Variants in MAP1A observed in about 807,000 individuals in gnomAD.
The protein encoded by MAP1A is microtubule-associated protein 1A.
MAP1A carries 42 observed loss-of-function variants against 185.9 expected under a neutral mutation model. The ratio of observed to expected loss-of-function variants is 0.23; its 90% CI spans 0.18 to 0.29. MAP1A has a LOEUF of 0.29. Among genes scored for constraint, MAP1A ranks in the 10% least tolerant of loss-of-function variants. The pLI is 1.00. For missense variants in MAP1A, 2,995 were observed against 3,450.4 expected (o/e 0.87, Z 3.31); for synonymous variants, 1,229 against 1,335.9 (o/e 0.92, Z 1.74).
Position 43,522,753 on chromosome 15 carries a change from G to C in MAP1A, c.1280G>C (p.Arg427Thr). The change falls in exon 4 of 6, where the codon AGG (arginine) becomes ACG (threonine). Residue 427 changes from arginine (R) to threonine (T), a missense_variant. Arg to Thr is a moderately conservative substitution (Grantham distance 71). Around this residue, in one of 3 missense-constraint regions of MAP1A, gnomAD observed 2,728 missense variants for 2,986.0 expected, o/e 0.91. Coordinates refer to ENST00000300231, the MANE Select transcript of MAP1A (RefSeq NM_002373.6). The surrounding 1 kb of genome is among the most constrained non-coding windows in gnomAD (Gnocchi z 5.9). The stretch of plus-strand genomic sequence containing the variant: ...GAGAAAAAAGAGATCAAAAAGGAGA[G>C]GAAAGAGCTCAAGAAGGATGAAGGA... ...DKEKKEIKKERKELKKDEGRK... is the reference protein window; with the variant it reads ...DKEKKEIKKETKELKKDEGRK... 1 of 1,571,552 alleles carries C rather than the reference G, an allele frequency of 6.4e-7. No individual in the cohort carries two copies. Among genetic ancestry groups the C allele is most frequent in the South Asian group, 1.2e-5 (1 of 86,382 alleles).
chr15:43,523,601 G>A lies in MAP1A; in HGVS notation c.2128G>A (p.Ala710Thr), dbSNP rs775064838. The change falls in exon 4 of 6, where the codon GCC (alanine) becomes ACC (threonine). Residue 710 changes from alanine to threonine, a missense_variant. This residue lies in a region of MAP1A where 2,728 missense variants were observed against 2,986.0 expected (regional missense o/e 0.91). Coordinates refer to ENST00000300231, the MANE Select transcript of MAP1A (RefSeq NM_002373.6). Reference sequence around the variant, plus strand: ...TCGGGAATTGGGACTCCAGGGCAAGGCCCCTGAGAAGGAGACCTCGTTATT... The same window carrying A: ...TCGGGAATTGGGACTCCAGGGCAAGACCCCTGAGAAGGAGACCTCGTTATT... ...GGRELGLQGKAPEKETSLFLS... is the reference protein window; with the variant it reads ...GGRELGLQGKTPEKETSLFLS... 1.2e-6 allele frequency: 2 copies of A among 1,614,110 alleles called. No individual in the cohort carries two copies. The highest frequency in any genetic ancestry group is 1.7e-4 in the Middle Eastern group (1 of 6,060).
rs202116613 is a variant in MAP1A, at chr15:43,527,046, C to T, written c.5573C>T (p.Ser1858Phe). 6.3e-7 allele frequency: 1 copy of T among 1,584,284 alleles called. No homozygotes were observed. The highest frequency in any genetic ancestry group is 2.2e-5 in the East Asian group (1 of 44,558). ...KDRPLPPAPL[S>F]PAPGPPTPAP... ...AGACCCCTCCCCCCTGCACCCCTCTCCCCAGCTCCTGGTCCCCCCACACCT... is the reference window on the plus strand; with the variant it reads ...AGACCCCTCCCCCCTGCACCCCTCTTCCCAGCTCCTGGTCCCCCCACACCT... Residue 1858 changes from serine (S) to phenylalanine (F), a missense_variant, in exon 4 of 6, where the codon TCC becomes TTC. Ser to Phe is a radical substitution (Grantham distance 155). This residue lies in a region of MAP1A where 2,728 missense variants were observed against 2,986.0 expected (regional missense o/e 0.91). Transcript: ENST00000300231.
rs567518818 is a variant in MAP1A, at chr15:43,527,383, C to T, written c.5910C>T (p.Ile1970=). 1 of 1,614,196 alleles carries T rather than the reference C, an allele frequency of 6.2e-7. No individual in the cohort carries two copies. Among genetic ancestry groups the T allele is most frequent in the African/African-American group, 1.3e-5 (1 of 75,046 alleles). ...AGAGAAGCTTTCAGTATGCAGACAT[C>T]TATGAGCAGATGATGCTTACTGGGC... The part of the protein sequence containing the change: ...PDERSFQYAD[I]YEQMMLTGLG... The change falls in exon 4 of 6, where the codon ATC becomes ATT. Residue 1970 remains isoleucine, a synonymous_variant. Coordinates refer to ENST00000300231, the MANE Select transcript of MAP1A (RefSeq NM_002373.6).
intron 2 of MAP1A, chr15:43,512,434 T>G: frequency 8.0e-6 from 5 of 628,754 alleles, no homozygotes; most frequent in South Asian, 1.9e-5. Context: ...TGGAATTCCA[T>G]AGCTGTCCCC....
In MAP1A at chr15:43,528,585, G is replaced by A. The variant is rs775243352; in HGVS notation, c.7112G>A (p.Gly2371Asp). ...ACTGAAACCAGCCCTAACCCCCCAG[G>A]CCCTGCCCCAGCCAAGGCTGAAAAT... ...GPTETSPNPP[G>D]PAPAKAENEE... is the part of the protein sequence containing the mutation. Residue 2371 changes from glycine to aspartate, a missense_variant, in exon 4 of 6, where the codon GGC becomes GAC. Physicochemically the swap from Gly to Asp is moderately conservative, Grantham distance 94. Transcript: ENST00000300231. 2 of 1,613,800 alleles carry A rather than the reference G, an allele frequency of 1.2e-6. No individual in the cohort carries two copies. Among genetic ancestry groups the A allele is most frequent in the East Asian group, 2.2e-5 (1 of 44,892 alleles).
At chr15:43,518,785 G>GA (rs1446188585) in intron 1 of MAP1A, among the ~76,000 whole-genome samples, 1 of 145,486 alleles carries the variant, frequency 6.9e-6, no homozygotes, top group Non-Finnish European at 1.5e-5. Context: ...AAAGAAAAAG[G>GA]AAAAAACGAG....
Position 43,528,176 on chromosome 15 carries a change from T to C in MAP1A, c.6703T>C (p.Ser2235Pro). The C allele has an allele frequency of 6.2e-7, 1 of 1,614,000 alleles. No individual in the cohort carries two copies. The highest frequency in any genetic ancestry group is 1.3e-5 in the African/African-American group (1 of 74,992). ...GGATTCCTCACTGCCCCAGCTCCCA[T>C]CACCCAGTTCTCCTGGGGCCCCTCT... ...SLDSSLPQLP[S>P]PSSPGAPLLS... The change falls in exon 4 of 6, where the codon TCA becomes CCA. Residue 2235 changes from serine to proline, a missense_variant. Coordinates refer to ENST00000300231, the MANE Select transcript of MAP1A (RefSeq NM_002373.6).
Position 43,527,330 on chromosome 15 carries a change from CAG to C in MAP1A, c.5864_5865del (p.Glu1955AlafsTer6), listed in dbSNP as rs1566978902. On this transcript the variant is annotated frameshift_variant, in exon 4 of 6. Coordinates refer to ENST00000300231, the MANE Select transcript of MAP1A (RefSeq NM_002373.6). LOFTEE classifies it high-confidence loss of function. Reference protein sequence around the residue: ...TTEPEQTEPEQREPTPYPDER... With the variant: ...TTEPEQTEPEXREPTPYPDER... ...GGAGCCTGAGCAGACTGAGCCGGAG[CAG>C]AGAGAGCCCACACCCTATCCTGATG... The C allele has an allele frequency of 6.2e-7, 1 of 1,614,182 alleles. No individual in the cohort carries two copies. The highest frequency in any genetic ancestry group is 8.5e-7 in the Non-Finnish European group (1 of 1,180,010).
At chr15:43,515,187 C>T (rs1313953179), upstream of MAP1A, among the ~76,000 whole-genome samples, 1 of 152,060 alleles carries the variant, frequency 6.6e-6, no homozygotes, top group East Asian at 1.9e-4. Context: ...CCAGCCTGGG[C>T]GACAGAGCTA....
chr15:43,515,913 G>A (rs180701945), upstream of MAP1A, among the ~76,000 whole-genome samples: 1 of 152,316 alleles, frequency 6.6e-6, no homozygotes, highest in African/African-American at 2.4e-5. Context: ...AGAGGGTGAA[G>A]GCTGAAGGAA....
rs547504488 is a variant in MAP1A at position 43,523,578 on chromosome 15, G to A, written c.2105G>A (p.Arg702Gln). The A allele has an allele frequency of 1.7e-5, 28 of 1,614,126 alleles. No individual in the cohort carries two copies. Among genetic ancestry groups the A allele is most frequent in the African/African-American group, 1.6e-4 (12 of 75,024 alleles). The change falls in exon 4 of 6, where the codon CGG (arginine) becomes CAG (glutamine). Residue 702 changes from arginine to glutamine, a missense_variant. Physicochemically the swap from Arg to Gln is conservative, Grantham distance 43. This residue lies in a region of MAP1A where 2,728 missense variants were observed against 2,986.0 expected (regional missense o/e 0.91). Coordinates refer to ENST00000300231, the MANE Select transcript of MAP1A (RefSeq NM_002373.6). ...TPRSREAFGG[R>Q]ELGLQGKAPE... ...AGGAGCCGGGAGGCTTTTGGGGGTCGGGAATTGGGACTCCAGGGCAAGGCC... is the reference window on the plus strand; with the variant it reads ...AGGAGCCGGGAGGCTTTTGGGGGTCAGGAATTGGGACTCCAGGGCAAGGCC...
At chr15:43,518,983 G>C (rs1488820763) in intron 1 of MAP1A, among the ~76,000 whole-genome samples, 1 of 152,186 alleles carries the variant, frequency 6.6e-6, no homozygotes, top group African/African-American at 2.4e-5. Context: ...GATAAATGGG[G>C]ACCGTGAGGA....
Position 43,524,229 on chromosome 15 carries a change from G to A in MAP1A, c.2756G>A (p.Gly919Glu). The change falls in exon 4 of 6, where the codon GGG becomes GAG. Residue 919 changes from glycine (G) to glutamate (E), a missense_variant. Gly to Glu is a moderately conservative substitution (Grantham distance 98). Around this residue, in one of 3 missense-constraint regions of MAP1A, gnomAD observed 2,728 missense variants for 2,986.0 expected, o/e 0.91. Coordinates refer to ENST00000300231, the MANE Select transcript of MAP1A (RefSeq NM_002373.6). ...SPPCEDFSVT[G>E]ESEKRGEIIG... ...CCCTGTGAGGACTTCTCTGTGACTG[G>A]GGAGTCAGAGAAGAGAGGAGAGATC... 6.2e-7 allele frequency: 1 copy of A among 1,614,194 alleles called. No individual in the cohort carries two copies. Among genetic ancestry groups the A allele is most frequent in the Non-Finnish European group, 8.5e-7 (1 of 1,180,026 alleles).
Position 43,521,337 on chromosome 15 carries a change from TC to T in MAP1A, c.-136del. On this transcript the variant is annotated 5_prime_UTR_variant, in exon 4 of 6. An upstream open reading frame in the 5' UTR gains an earlier in-frame stop. Transcript: ENST00000300231. This position sits in a 1 kb window ranked among gnomAD's most constrained non-coding sequence, Gnocchi z 4.6. ...CTATTCTTCTAGATTTCCCAATTGCTCAGCAATAGAGACCCTGGGATACAGG... is the reference window on the plus strand; with the variant it reads ...CTATTCTTCTAGATTTCCCAATTGCTAGCAATAGAGACCCTGGGATACAGG... 1 of 1,610,110 alleles carries T rather than the reference TC, an allele frequency of 6.2e-7. No homozygotes were observed. Among genetic ancestry groups the T allele is most frequent in the East Asian group, 2.2e-5 (1 of 44,828 alleles).
rs1370077982 is a variant in MAP1A at position 43,530,406 on chromosome 15, A to T, written c.*182A>T. On this transcript the variant is annotated 3_prime_UTR_variant, in exon 6 of 6. Coordinates refer to ENST00000300231, the MANE Select transcript of MAP1A (RefSeq NM_002373.6). ...TCCCTCCCCATCATCCATTCCTGTGAGGTGTCTCAAACCAAAGTTAACAGG... is the reference window on the plus strand; with the variant it reads ...TCCCTCCCCATCATCCATTCCTGTGTGGTGTCTCAAACCAAAGTTAACAGG... 1.4e-6 allele frequency: 1 copy of T among 715,626 alleles called. No individual in the cohort carries two copies. The highest frequency in any genetic ancestry group is 2.3e-6 in the Non-Finnish European group (1 of 443,674). The allele number at this position is 715,626 out of a possible 1,614,324, so 44.3% of individuals were successfully genotyped here.
Position 43,526,056 on chromosome 15 carries a change from A to G in MAP1A, c.4583A>G (p.Lys1528Arg), listed in dbSNP as rs916931824. 6.2e-7 allele frequency: 1 copy of G among 1,614,018 alleles called. No homozygotes were observed. Among genetic ancestry groups the G allele is most frequent in the South Asian group, 1.1e-5 (1 of 91,080 alleles). ...GACAGAGACCTAGAACAGACAGACA[A>G]AGCCCCTGAACAGAAACACCAGGCC... ...MKDRDLEQTD[K>R]APEQKHQAQE... The change falls in exon 4 of 6, where the codon AAA (lysine) becomes AGA (arginine). Residue 1528 changes from lysine (K) to arginine (R), a missense_variant. By Grantham distance (26) the Lys-to-Arg change is conservative. Transcript: ENST00000300231. This position sits in a 1 kb window ranked among gnomAD's most constrained non-coding sequence, Gnocchi z 4.7.
upstream of MAP1A, among the ~76,000 whole-genome samples, chr15:43,514,946 T>G (rs1046288138): frequency 6.6e-5 from 10 of 152,214 alleles, no homozygotes; most frequent in African/African-American, 2.4e-4. Flanking sequence ...CCGGGCATGG[T>G]GGCTTATGCC....
chr15:43,521,019 G>C lies in MAP1A; in HGVS notation c.-244G>C. The C allele has an allele frequency of 6.5e-7, 1 of 1,550,030 alleles. No individual in the cohort carries two copies. Among genetic ancestry groups the C allele is most frequent in the Non-Finnish European group, 8.7e-7 (1 of 1,146,574 alleles). Reference sequence around the variant, plus strand: ...CATCAGCTTATAAACTACTAATCTTGAGTGGGCAAAGTTTAGAGCCTGGGG... The same window carrying C: ...CATCAGCTTATAAACTACTAATCTTCAGTGGGCAAAGTTTAGAGCCTGGGG... On this transcript the variant is annotated 5_prime_UTR_variant, in exon 3 of 6. Coordinates refer to ENST00000300231, the MANE Select transcript of MAP1A (RefSeq NM_002373.6). This position sits in a 1 kb window ranked among gnomAD's most constrained non-coding sequence, Gnocchi z 4.6.
rs2079365183 is a variant in MAP1A, at chr15:43,529,923, C to T, written c.8256+53C>T. 1 of 1,577,794 alleles carries T rather than the reference C, an allele frequency of 6.3e-7. No individual in the cohort carries two copies. Among genetic ancestry groups the T allele is most frequent in the Non-Finnish European group, 8.7e-7 (1 of 1,152,656 alleles). ...AGTCTGGTCAACGCTCACTCAGAGG[C>T]AGTAGTGGAACACAGTCCCTATTTA... On this transcript the variant is annotated intron_variant, in intron 5 of 5. Coordinates refer to ENST00000300231, the MANE Select transcript of MAP1A (RefSeq NM_002373.6). The surrounding 1 kb of genome is among the most constrained non-coding windows in gnomAD (Gnocchi z 4.3).
Sources: allele counts gnomAD v4.1 joint callset (sites outside exome capture counted in the v4.1 genomes callset), GRCh38; gene constraint gnomAD v4.1.1; regional missense constraint gnomAD v4.1.1; non-coding constraint Gnocchi (gnomAD v3.1); transcripts MANE v1.5; gene names NCBI Gene and HGNC (gene_info 2026-07-23, HGNC 2026-07-21).